The following C22orf31 variants were observed in gnomAD, a reference collection of about 807,000 sequenced individuals.
The protein encoded by C22orf31 is uncharacterized protein C22orf31.
C22orf31 carries 11 observed loss-of-function variants against 15.0 expected under a neutral mutation model. That is an observed-to-expected ratio of 0.73 (90% CI 0.46 to 1.21). The LOEUF (loss-of-function observed/expected upper bound fraction) is 1.21, where lower values mean the gene tolerates loss of function less well. Among genes scored for constraint, C22orf31 ranks in the 50% most tolerant of loss-of-function variants. C22orf31 has a pLI of 0.00. For missense variants in C22orf31, 340 were observed against 347.2 expected (o/e 0.98, Z 0.17); for synonymous variants, 132 against 133.3 (o/e 0.99, Z 0.07).
upstream of C22orf31, among the ~76,000 whole-genome samples, chr22:29,063,890 G>T (rs933550534): frequency 6.6e-6 from 1 of 152,000 alleles, no homozygotes; most frequent in African/African-American, 2.4e-5. Flanking sequence ...TTTTTGAGAC[G>T]GAGTTTCACT....
chr22:29,067,340 C>T, the C22orf31 span, among the ~76,000 whole-genome samples: 2 of 151,628 alleles, frequency 1.3e-5, no homozygotes, highest in Admixed American at 6.6e-5. Flanking sequence ...ACTTCACTTG[C>T]CCCATTCCAG....
At position 29,059,697 on chromosome 22, in the gene C22orf31, GGCCTTCGT is replaced by G. The variant is rs894536367; in HGVS notation, c.433-523_433-516del. 183 of 693,918 alleles carry G rather than the reference GGCCTTCGT, an allele frequency of 2.6e-4. No individual in the cohort carries two copies. The African/African-American group carries it at 3.2e-3, about 12-fold the overall frequency. The allele number at this position is 693,918 out of a possible 1,614,324, so 43.0% of individuals were successfully genotyped here. On this transcript the variant is annotated intron_variant, in intron 2 of 2. Coordinates refer to ENST00000216071, the MANE Select transcript of C22orf31 (RefSeq NM_015370.2). ...GGGTAACATACCTGGATTCCAATCA[GGCCTTCGT>G]AGGCCAAGTTCTCCATGTGGACGCT...
chr22:29,071,832 C>A, the C22orf31 span, among the ~76,000 whole-genome samples: 1 of 152,212 alleles, frequency 6.6e-6, no homozygotes, highest in Non-Finnish European at 1.5e-5. Flanking sequence ...GCCGCGCGCT[C>A]TCTGATCCCT....
chr22:29,059,669 A>T, intron 2 of C22orf31: 1 of 984,374 alleles, frequency 1.0e-6, no homozygotes, highest in Non-Finnish European at 1.2e-6. Flanking sequence ...GCTGGCCACC[A>T]CGGGGTAACA....
upstream of C22orf31, among the ~76,000 whole-genome samples, chr22:29,062,689 GT>G (rs1229257551): frequency 6.6e-6 from 1 of 152,016 alleles, no homozygotes; most frequent in Non-Finnish European, 1.5e-5. Context: ...GCCTGCTTGC[GT>G]TTTTAAGTGT....
At chr22:29,060,042 T>A (rs1443617036) in intron 2 of C22orf31, 1 of 786,590 alleles carries the variant, frequency 1.3e-6, no homozygotes, top group Non-Finnish European at 1.5e-6. Flanking sequence ...TTTTTTTTTT[T>A]TATTTTTTAG....
At chr22:29,059,302 G>T in intron 2 of C22orf31, 120 bp from the exon 3 acceptor site, 1 of 759,852 alleles carries the variant, frequency 1.3e-6, no homozygotes, top group East Asian at 2.6e-5. Context: ...TGTCTAGCAT[G>T]TTCTAGTTTA....
the C22orf31 span, among the ~76,000 whole-genome samples, chr22:29,069,842 T>C: frequency 7.3e-3 from 1,118 of 152,284 alleles, 12 homozygotes; most frequent in South Asian, 0.021. Flanking sequence ...TAGGACCATT[T>C]TCATGGGCGT....
chr22:29,062,760 C>T (rs1276827718), upstream of C22orf31, among the ~76,000 whole-genome samples: 8 of 152,116 alleles, frequency 5.3e-5, no homozygotes, highest in Admixed American at 5.2e-4. Flanking sequence ...GGTGGAACCA[C>T]CTCCAGGCCT....
chr22:29,069,943 C>CTTT, the C22orf31 span, among the ~76,000 whole-genome samples: 8 of 96,532 alleles, frequency 8.3e-5, no homozygotes, highest in South Asian at 6.7e-4. Flanking sequence ...TCTTGAAATT[C>CTTT]TTTTTTTTTT....
chr22:29,071,638 C>T, the C22orf31 span, among the ~76,000 whole-genome samples: 55 of 152,272 alleles, frequency 3.6e-4, no homozygotes, highest in African/African-American at 1.3e-3. Context: ...GGACCTGCCC[C>T]GCCGGGCGTC....
upstream of C22orf31, among the ~76,000 whole-genome samples, chr22:29,065,900 A>G (rs1311394308): frequency 2.0e-5 from 3 of 152,212 alleles, no homozygotes; most frequent in Admixed American, 1.3e-4. Context: ...TGCTGAGCTC[A>G]GTCTCACTAA....
In C22orf31 at chr22:29,058,945, T is replaced by C; in HGVS notation, c.670A>G (p.Met224Val). The change falls in exon 3 of 3, where the codon ATG becomes GTG. Residue 224 changes from methionine (M) to valine (V), a missense_variant. Met to Val is a conservative substitution (Grantham distance 21). Coordinates refer to ENST00000216071, the MANE Select transcript of C22orf31 (RefSeq NM_015370.2). ...QALYHAVVEPMLWNPSGTPKR... is the reference protein window; with the variant it reads ...QALYHAVVEPVLWNPSGTPKR... The stretch of plus-strand genomic sequence containing the variant: ...GGGGTCCCTGAAGGATTCCACAGCA[T>C]TGGCTCCACCACAGCGTGGTACAGA... The C allele has an allele frequency of 3.7e-6, 6 of 1,614,180 alleles. No homozygotes were observed. The highest frequency in any genetic ancestry group is 5.1e-6 in the Non-Finnish European group (6 of 1,180,010).
the C22orf31 span, among the ~76,000 whole-genome samples, chr22:29,069,953 T>C: frequency 6.7e-6 from 1 of 149,006 alleles, no homozygotes; most frequent in Admixed American, 6.7e-5. Flanking sequence ...CTTTTTTTTT[T>C]TTTTTTTTTT....
chr22:29,068,093 T>TTC, the C22orf31 span, among the ~76,000 whole-genome samples: 3 of 150,604 alleles, frequency 2.0e-5, no homozygotes, highest in African/African-American at 7.3e-5. Context: ...TCTTTTTTTT[T>TTC]TTTTTTTTGA....
At chr22:29,060,320 G>T (rs565236199) in intron 2 of C22orf31, 95 bp downstream of exon 2, 3 of 1,158,038 alleles carry the variant, frequency 2.6e-6, no homozygotes, top group Non-Finnish European at 3.7e-6. Context: ...GGCGGTAGCC[G>T]CACGCCATAT....
chr22:29,067,600 C>T, the C22orf31 span, among the ~76,000 whole-genome samples: 4 of 152,018 alleles, frequency 2.6e-5, no homozygotes, highest in Non-Finnish European at 5.9e-5. Context: ...TGAGCCACCA[C>T]GCCCGGCTAA....
At chr22:29,073,912 A>G in the C22orf31 span, among the ~76,000 whole-genome samples, 3 of 151,722 alleles carry the variant, frequency 2.0e-5, no homozygotes, top group Non-Finnish European at 4.4e-5. This position sits in a 1 kb window ranked among gnomAD's most constrained non-coding sequence, Gnocchi z 4.4. Flanking sequence ...ACAAGAGGCT[A>G]TACGCCCCTC....
the C22orf31 span, among the ~76,000 whole-genome samples, chr22:29,071,773 G>A: frequency 2.6e-5 from 4 of 152,210 alleles, no homozygotes; most frequent in Non-Finnish European, 4.4e-5. Flanking sequence ...GTCGGGGCGG[G>A]GGGAGGCGGG....
Sources: gnomAD v4.1 joint callset for allele counts (sites outside exome capture counted in the v4.1 genomes callset) on GRCh38, gnomAD v4.1.1 for gene constraint, Gnocchi (gnomAD v3.1) non-coding constraint, MANE v1.5 for transcripts, NCBI Gene and HGNC (gene_info 2026-07-23, HGNC 2026-07-21) for gene names.